RGSL1: variants seen among roughly 807,000 people sequenced by gnomAD.
RGSL1 encodes the protein regulator of G protein signaling like 1, also known as regulator of G protein signaling protein-like.
A neutral mutation model predicts 124.7 loss-of-function variants in RGSL1; 97 were observed. That is an observed-to-expected ratio of 0.78 (90% CI 0.66 to 0.92). RGSL1 has a LOEUF of 0.92. Among genes scored for constraint, RGSL1 ranks in the 40% least tolerant of loss-of-function variants. The probability of loss-of-function intolerance (pLI) is 0.00; values close to 1 mark genes in which losing one functional copy is unlikely to be tolerated. For missense variants in RGSL1, 1,233 were observed against 1,288.4 expected, an observed-to-expected ratio of 0.96 and a Z score of 0.66; for synonymous variants, 424 against 438.1, an observed-to-expected ratio of 0.97 and a Z score of 0.40.
intron 6 of RGSL1, among the ~76,000 whole-genome samples, chr1:182,485,290 C>A (rs1469839830): frequency 2.0e-5 from 3 of 152,192 alleles, no homozygotes; most frequent in African/African-American, 7.2e-5. Context: ...TCCTGAGTTT[C>A]TGTGTTCATC....
chr1:182,474,107 C>G lies in RGSL1; in HGVS notation c.996C>G (p.Ala332=), dbSNP rs528993966. 10 of 1,551,868 alleles carry G rather than the reference C, an allele frequency of 6.4e-6. No individual in the cohort carries two copies. In the African/African-American group the frequency reaches 1.4e-4, roughly 21 times the overall value. ...NKAKSHLHME[A]PFETKVSTHL... The stretch of plus-strand genomic sequence containing the variant: ...CCAAGAGCCACCTCCACATGGAAGC[C>G]CCCTTTGAGACAAAGGTCTCTACCC... Residue 332 remains alanine, a synonymous_variant, in exon 6 of 22, where the codon GCC becomes GCG. Coordinates refer to ENST00000294854, the MANE Select transcript of RGSL1 (RefSeq NM_001137669.2).
intron 9 of RGSL1, among the ~76,000 whole-genome samples, chr1:182,494,533 C>T (rs892576713): frequency 6.6e-6 from 1 of 152,130 alleles, no homozygotes; most frequent in Non-Finnish European, 1.5e-5. Context: ...AAATTATATA[C>T]GTGGCTCACA....
chr1:182,489,942 T>C (rs1655396450), intron 8 of RGSL1, among the ~76,000 whole-genome samples: 1 of 152,202 alleles, frequency 6.6e-6, no homozygotes, highest in South Asian at 2.1e-4. Flanking sequence ...TTATCTATGT[T>C]GAGGCAGTTG....
intron 6 of RGSL1, among the ~76,000 whole-genome samples, chr1:182,476,481 C>T (rs988311751): frequency 3.9e-5 from 6 of 152,154 alleles, no homozygotes; most frequent in African/African-American, 1.4e-4. Context: ...TCCTTTCCAC[C>T]GTTGTTACAA....
At chr1:182,498,817 A>T in intron 9 of RGSL1, among the ~76,000 whole-genome samples, 1 of 144,036 alleles carries the variant, frequency 6.9e-6, no homozygotes. Flanking sequence ...TTTGAGACAG[A>T]GTCTTGCTCT....
chr1:182,531,567 C>G (rs1298494167), intron 13 of RGSL1, among the ~76,000 whole-genome samples: 1 of 152,134 alleles, frequency 6.6e-6, no homozygotes. Flanking sequence ...TCTAAGATAT[C>G]TCGGAAAATA....
intron 6 of RGSL1, among the ~76,000 whole-genome samples, chr1:182,475,156 G>C (rs140468948): frequency 1.2e-4 from 19 of 152,284 alleles, no homozygotes; most frequent in African/African-American, 4.1e-4. Flanking sequence ...GAACCTCAGA[G>C]TATTCTATGA....
rs545839667 is a variant in RGSL1, at chr1:182,534,826, CA to C, written c.2494+2049del. On this transcript the variant is annotated intron_variant, in intron 14 of 21. Transcript: ENST00000294854. ...TGGGTGACAGAGCGAGACTCCATCT[CA>C]AAAAAAAAAAAAAGTTCTAGATCTT... 6.2e-3 allele frequency among the ~76,000 whole-genome samples: 822 copies of C among 132,170 alleles called. 3 individuals carry two copies. The highest frequency in any genetic ancestry group is 0.015 in the African/African-American group (530 of 36,076). 86.7% of individuals were successfully genotyped at this position (132,170 alleles called of 152,430 possible). A position where few individuals can be genotyped will look rare whatever the true frequency, so the allele number is the denominator to read the frequency against.
chr1:182,530,741 A>T, intron 12 of RGSL1, 49 bp from the exon 13 acceptor site: 1 of 1,477,370 alleles, frequency 6.8e-7, no homozygotes, highest in Middle Eastern at 1.8e-4. Context: ...GTCATCTTTT[A>T]TGTGCCAGGT....
At chr1:182,521,973 G>A (rs543608229) in intron 9 of RGSL1, 31 bp from the exon 10 acceptor site, 165 of 1,372,200 alleles carry the variant, frequency 1.2e-4, no homozygotes, top group Non-Finnish European at 1.5e-4. Context: ...TTATAATATA[G>A]TGTTCTCCAA....
At chr1:182,468,329 T>C (rs1653522238) in intron 4 of RGSL1, among the ~76,000 whole-genome samples, 1 of 152,134 alleles carries the variant, frequency 6.6e-6, no homozygotes, top group Non-Finnish European at 1.5e-5. Context: ...TATGTTTATT[T>C]CAGCACTATT....
intron 11 of RGSL1, 43 bp downstream of exon 11, chr1:182,527,815 G>C (rs1273720730): frequency 6.8e-7 from 1 of 1,476,938 alleles, no homozygotes; most frequent in Non-Finnish European, 9.1e-7. Flanking sequence ...TCTCTTTAGT[G>C]TCTTAGGAGA....
chr1:182,504,328 G>A (rs543863929), intron 9 of RGSL1, among the ~76,000 whole-genome samples: 6 of 151,910 alleles, frequency 3.9e-5, no homozygotes, highest in South Asian at 2.1e-4. Flanking sequence ...TAATTCTCCC[G>A]GGTTTTTGTA....
At chr1:182,450,249 T>C in intron 1 of RGSL1, 71 bp downstream of exon 1, 2 of 1,526,324 alleles carry the variant, frequency 1.3e-6, no homozygotes, top group Non-Finnish European at 1.8e-6. Context: ...ATCTTCCCAA[T>C]TGTTAATAGA....
rs1571711802 is a variant in RGSL1, at chr1:182,548,687, A to G, written c.2809-13A>G. The G allele has an allele frequency of 1.3e-6, 2 of 1,550,808 alleles. No individual in the cohort carries two copies. The highest frequency in any genetic ancestry group is 1.7e-6 in the Non-Finnish European group (2 of 1,146,796). ...GAGCCTCTGCCAGTGACAGGCTCCCACTCTGTGGGTAGGTGAATGTCCCTG... is the reference window on the plus strand; with the variant it reads ...GAGCCTCTGCCAGTGACAGGCTCCCGCTCTGTGGGTAGGTGAATGTCCCTG... On this transcript the variant is annotated splice_polypyrimidine_tract_variant and intron_variant, in intron 16 of 21. Transcript: ENST00000294854.
At chr1:182,450,491 C>T in intron 1 of RGSL1, 1 of 386,822 alleles carries the variant, frequency 2.6e-6, no homozygotes, top group Non-Finnish European at 4.8e-6. Context: ...GCAGTGATTT[C>T]ATTTGTTGCC....
chr1:182,449,274 A>G (rs1446088372), upstream of RGSL1: 2 of 152,226 alleles, frequency 1.3e-5, no homozygotes, highest in Non-Finnish European at 2.9e-5. Context: ...TATATATTCT[A>G]AAGAAAGTAC....
chr1:182,504,567 T>A (rs1244060931), intron 9 of RGSL1, among the ~76,000 whole-genome samples: 1 of 150,994 alleles, frequency 6.6e-6, no homozygotes, highest in Non-Finnish European at 1.5e-5. Context: ...CTATGGAAAT[T>A]AGATTCTCCC....
At chr1:182,489,994 G>A (rs1280151317) in intron 8 of RGSL1, among the ~76,000 whole-genome samples, 2 of 152,052 alleles carry the variant, frequency 1.3e-5, no homozygotes, top group African/African-American at 2.4e-5. Flanking sequence ...CAATAAATAC[G>A]TTTGACTTCA....
Sources: allele counts gnomAD v4.1 joint callset (sites outside exome capture counted in the v4.1 genomes callset), GRCh38; gene constraint gnomAD v4.1.1; transcripts MANE v1.5; gene names NCBI Gene and HGNC (gene_info 2026-07-23, HGNC 2026-07-21).